The following HTR1E variants were observed in gnomAD, a reference collection of about 807,000 sequenced individuals.
HTR1E encodes 5-HT-1E.
Under a neutral mutation model 3.4 loss-of-function variants are expected in HTR1E, and 3 were observed. That is an observed-to-expected ratio of 0.89 (90% CI 0.41 to 2.31). HTR1E has a LOEUF of 2.31. Ranked by LOEUF, HTR1E falls within the 30% of genes most tolerant of loss-of-function variation. HTR1E has a pLI of 0.05. For synonymous variants in HTR1E, 170 were observed against 182.8 expected (o/e 0.93, Z 0.56); for missense variants, 392 against 467.0 (o/e 0.84, Z 1.48).
chr6:86,980,645 A>G (rs907645615), intron 1 of HTR1E, among the ~76,000 whole-genome samples: 1 of 152,212 alleles, frequency 6.6e-6, no homozygotes, highest in Non-Finnish European at 1.5e-5. Context: ...AACTTTACGG[A>G]TATAAACAAA....
chr6:86,986,878 G>A (rs1035127483), intron 1 of HTR1E, among the ~76,000 whole-genome samples: 8 of 152,052 alleles, frequency 5.3e-5, no homozygotes, highest in Non-Finnish European at 8.8e-5. Context: ...TTCACGGGGG[G>A]TAAGAAGAAA....
chr6:87,015,493 C>T lies in HTR1E; in HGVS notation c.159C>T (p.Leu53=), dbSNP rs1768307503. ...VIMAIGTTKK[L]HQPANYLICS... ...TGGCTATTGGCACCACCAAGAAGCT[C>T]CACCAGCCTGCCAACTACCTAATCT... Residue 53 remains leucine (L), a synonymous_variant, in exon 2 of 2, where the codon CTC becomes CTT. Transcript: ENST00000305344. The T allele has an allele frequency of 1.2e-6, 2 of 1,614,048 alleles. No homozygotes were observed. The highest frequency in any genetic ancestry group is 2.7e-5 in the African/African-American group (2 of 75,002).
intron 1 of HTR1E, among the ~76,000 whole-genome samples, chr6:87,013,713 T>C (rs1768273027): frequency 6.6e-6 from 1 of 151,954 alleles, no homozygotes; most frequent in Non-Finnish European, 1.5e-5. Context: ...AGAATAAATA[T>C]AAATAAGAAA....
chr6:86,966,639 G>A (rs1414585178), intron 1 of HTR1E, among the ~76,000 whole-genome samples: 2 of 152,234 alleles, frequency 1.3e-5, no homozygotes, highest in African/African-American at 4.8e-5. Flanking sequence ...TGTGTAAGAC[G>A]GTGTGGGAGC....
intron 1 of HTR1E, among the ~76,000 whole-genome samples, chr6:86,941,067 A>C (rs1043444812): frequency 1.3e-5 from 2 of 152,242 alleles, no homozygotes; most frequent in African/African-American, 2.4e-5. Flanking sequence ...CTTTAGAGTG[A>C]CTTACTTCTC....
intron 1 of HTR1E, among the ~76,000 whole-genome samples, chr6:86,949,799 A>T (rs1320075471): frequency 6.6e-6 from 1 of 152,114 alleles, no homozygotes; most frequent in Non-Finnish European, 1.5e-5. Context: ...TATACCTTTC[A>T]CTGTGTTTTA....
chr6:86,955,797 A>T (rs1479578503), intron 1 of HTR1E, among the ~76,000 whole-genome samples: 1 of 152,194 alleles, frequency 6.6e-6, no homozygotes, highest in Non-Finnish European at 1.5e-5. Flanking sequence ...ACATTTTAAC[A>T]TATGGTTTTC....
intron 1 of HTR1E, among the ~76,000 whole-genome samples, chr6:87,013,942 A>G (rs1329534906): frequency 6.6e-6 from 1 of 152,178 alleles, no homozygotes; most frequent in Admixed American, 6.5e-5. Flanking sequence ...CCACAATGAG[A>G]TACCATTTCA....
intron 1 of HTR1E, among the ~76,000 whole-genome samples, chr6:86,973,511 A>C (rs1767590241): frequency 6.6e-6 from 1 of 152,156 alleles, no homozygotes; most frequent in African/African-American, 2.4e-5. Context: ...GAGATAGAGC[A>C]CTGTAACCAC....
intron 1 of HTR1E, among the ~76,000 whole-genome samples, chr6:86,999,251 C>A (rs971647225): frequency 2.0e-5 from 3 of 152,046 alleles, no homozygotes; most frequent in African/African-American, 7.2e-5. Flanking sequence ...CATGAGCCAC[C>A]ATGCCGGGCC....
chr6:87,010,359 GGGGGGCTGACCCCCC>G (rs1768197603), intron 1 of HTR1E, among the ~76,000 whole-genome samples: 1 of 110,138 alleles, frequency 9.1e-6, no homozygotes, highest in African/African-American at 3.5e-5. Context: ...CTGGCCGGGC[GGGGGGCTGACCCCCC>G]CATCTCCCTC....
intron 1 of HTR1E, among the ~76,000 whole-genome samples, chr6:86,959,626 A>G (rs1767378653): frequency 6.6e-6 from 1 of 152,228 alleles, no homozygotes; most frequent in Admixed American, 6.5e-5. Flanking sequence ...CATCATGGGC[A>G]GGATGACGGA....
At chr6:86,939,767 T>C (rs1768520015) in intron 1 of HTR1E, among the ~76,000 whole-genome samples, 1 of 152,220 alleles carries the variant, frequency 6.6e-6, no homozygotes, top group African/African-American at 2.4e-5. Flanking sequence ...TTCTTTCCTC[T>C]TCTGCCATAA....
At position 87,015,251 on chromosome 6, in the gene HTR1E, G is replaced by C; in HGVS notation, c.-84G>C. 1 of 1,268,770 alleles carries C rather than the reference G, an allele frequency of 7.9e-7. No homozygotes were observed. The highest frequency in any genetic ancestry group is 1.1e-6 in the Non-Finnish European group (1 of 941,982). The allele number at this position is 1,268,770 out of a possible 1,614,324, so 78.6% of individuals were successfully genotyped here. ...AACAAATTATAGCCTCCTTACAAGTGAGAAACCTTCGAGGCTACATAGTTT... is the reference window on the plus strand; with the variant it reads ...AACAAATTATAGCCTCCTTACAAGTCAGAAACCTTCGAGGCTACATAGTTT... On this transcript the variant is annotated 5_prime_UTR_variant, in exon 2 of 2. Transcript: ENST00000305344.
At chr6:87,009,636 G>A (rs1265451885) in intron 1 of HTR1E, among the ~76,000 whole-genome samples, 5 of 148,342 alleles carry the variant, frequency 3.4e-5, no homozygotes, top group East Asian at 2.1e-4. Flanking sequence ...CAGTAGGGGC[G>A]GCCGGGCAGA....
intron 1 of HTR1E, among the ~76,000 whole-genome samples, chr6:86,995,702 A>AAAAAAAAAAAAAAAAAAAAAAAAAC (rs1767931934): frequency 7.0e-6 from 1 of 142,010 alleles, no homozygotes; most frequent in Admixed American, 7.3e-5. Flanking sequence ...AAAAAAAAAA[A>AAAAAAAAAAAAAAAAAAAAAAAAAC]AAGAAAACAT....
chr6:86,956,890 A>G (rs1325119757), intron 1 of HTR1E, among the ~76,000 whole-genome samples: 1 of 152,244 alleles, frequency 6.6e-6, no homozygotes. Context: ...ATGAGAATAA[A>G]ATGATAAAAG....
chr6:86,986,735 G>A (rs1299487961), intron 1 of HTR1E, among the ~76,000 whole-genome samples: 2 of 152,116 alleles, frequency 1.3e-5, no homozygotes, highest in African/African-American at 2.4e-5. Context: ...AGAGATATTA[G>A]TACCCTATCA....
intron 1 of HTR1E, among the ~76,000 whole-genome samples, chr6:86,945,798 G>A (rs975161984): frequency 9.9e-5 from 15 of 151,696 alleles, no homozygotes; most frequent in African/African-American, 3.6e-4. Context: ...GCAGTGGCGT[G>A]GTGATCCCAG....
Sources: allele counts gnomAD v4.1 joint callset (sites outside exome capture counted in the v4.1 genomes callset), GRCh38; gene constraint gnomAD v4.1.1; transcripts MANE v1.5; gene names NCBI Gene and HGNC (gene_info 2026-07-23, HGNC 2026-07-21).